CACNA1E: variants seen among roughly 807,000 people sequenced by gnomAD.
The protein encoded by CACNA1E is voltage-dependent R-type calcium channel subunit alpha-1E.
In CACNA1E, 40 loss-of-function variants were observed where a neutral mutation model predicts 259.2. The ratio of observed to expected loss-of-function variants is 0.15; its 90% CI spans 0.12 to 0.20. CACNA1E has a LOEUF of 0.20. CACNA1E is among the 10% of genes least tolerant of loss of function. The pLI is 1.00. For missense variants in CACNA1E, 1,874 were observed against 3,040.1 expected, an observed-to-expected ratio of 0.62 and a Z score of 9.02; for synonymous variants, 1,104 against 1,138.5, an observed-to-expected ratio of 0.97 and a Z score of 0.61.
chr1:181,806,966 C>T lies in CACNA1E; in HGVS notation c.*8132C>T, dbSNP rs1662670741. The T allele has an allele frequency of 6.6e-6, 1 of 152,018 alleles. No individual in the cohort carries two copies. The highest frequency in any genetic ancestry group is 2.4e-5 in the African/African-American group (1 of 41,382). 9.4% of individuals were successfully genotyped at this position (152,018 alleles called of 1,614,324 possible). ...CAGGAGGCTTTCAAAGTCCCAAGGA[C>T]ATCCTGGCTCTGAAAGGTTTTCTTT... On this transcript the variant is annotated 3_prime_UTR_variant, in exon 48 of 48. Coordinates refer to ENST00000367573, the MANE Select transcript of CACNA1E (RefSeq NM_001205293.3).
At chr1:181,430,272 A>T (rs995973492) in intron 2 of CACNA1E, among the ~76,000 whole-genome samples, 1 of 152,190 alleles carries the variant, frequency 6.6e-6, no homozygotes, top group Non-Finnish European at 1.5e-5. Context: ...GTGTGGACAA[A>T]GGGTGAGGTT....
rs150406553 is a variant in CACNA1E at position 181,415,037 on chromosome 1, G to A, written c.434+1457G>A. Among the ~76,000 whole-genome samples the A allele has an allele frequency of 6.6e-3, 1,003 of 152,326 alleles. 7 individuals carry two copies. Among genetic ancestry groups the A allele is most frequent in the Non-Finnish European group, 0.01 (684 of 68,026 alleles). On this transcript the variant is annotated intron_variant, in intron 2 of 11. Coordinates refer to the CACNA1E transcript ENST00000524607. Reference sequence around the variant, plus strand: ...CATCATGACTTCGAAAGACAAGTAGGAGGGAGTAGACTTCCTTTAAATACA... The same window carrying A: ...CATCATGACTTCGAAAGACAAGTAGAAGGGAGTAGACTTCCTTTAAATACA...
intron 2 of CACNA1E, 79 bp downstream of exon 2, chr1:181,510,661 T>C: frequency 1.1e-6 from 1 of 874,440 alleles, no homozygotes; most frequent in South Asian, 1.4e-5. Context: ...CACTCTCCCA[T>C]TCCCTTCCTG....
intron 7 of CACNA1E, among the ~76,000 whole-genome samples, chr1:181,677,724 A>G (rs1649521951): frequency 6.6e-6 from 1 of 152,184 alleles, no homozygotes; most frequent in Non-Finnish European, 1.5e-5. Flanking sequence ...TGTGGTTTCT[A>G]TCATGTAAGA....
At chr1:181,696,972 T>C (rs1651770589) in intron 7 of CACNA1E, among the ~76,000 whole-genome samples, 1 of 152,168 alleles carries the variant, frequency 6.6e-6, no homozygotes, top group African/African-American at 2.4e-5. Flanking sequence ...AATAAGAATG[T>C]GAATTTAATG....
intron 3 of CACNA1E, among the ~76,000 whole-genome samples, chr1:181,536,509 A>G (rs1668180748): frequency 2.0e-5 from 3 of 152,104 alleles, no homozygotes; most frequent in Admixed American, 1.3e-4. Flanking sequence ...CTTTTCTCTA[A>G]GCTGATAATT....
At chr1:181,682,856 A>G (rs1343212563) in intron 7 of CACNA1E, among the ~76,000 whole-genome samples, 2 of 152,220 alleles carry the variant, frequency 1.3e-5, no homozygotes, top group Non-Finnish European at 2.9e-5. Flanking sequence ...ATCATTCATG[A>G]GAAGTACCTC....
intron 27 of CACNA1E, 114 bp from the exon 28 acceptor site, chr1:181,755,123 C>T (rs1164719502): frequency 3.9e-6 from 3 of 762,410 alleles, no homozygotes; most frequent in Non-Finnish European, 6.2e-6. Context: ...AAATTCTCTC[C>T]TGGGACAACT....
chr1:181,626,262 T>G (rs1191433673), intron 6 of CACNA1E, among the ~76,000 whole-genome samples: 4 of 152,166 alleles, frequency 2.6e-5, no homozygotes, highest in Non-Finnish European at 5.9e-5. Flanking sequence ...ATCCATAGTC[T>G]TATTAGACTC....
intron 1 of CACNA1E, among the ~76,000 whole-genome samples, chr1:181,369,124 G>A (rs758702003): frequency 2.0e-5 from 3 of 152,184 alleles, no homozygotes; most frequent in Admixed American, 6.5e-5. Context: ...CAGGACATTC[G>A]TCACTTCATG....
At chr1:181,763,571 T>C (rs1395546860) in intron 34 of CACNA1E, 40 bp downstream of exon 34, 3 of 1,503,264 alleles carry the variant, frequency 2.0e-6, no homozygotes, top group Non-Finnish European at 2.7e-6. Flanking sequence ...GGTTGTCATA[T>C]CAGACAGTAC....
chr1:181,437,803 C>T (rs1660192268), intron 2 of CACNA1E, among the ~76,000 whole-genome samples: 1 of 152,098 alleles, frequency 6.6e-6, no homozygotes, highest in Non-Finnish European at 1.5e-5. Context: ...TCTGTCTATG[C>T]TCACTCCCAG....
At chr1:181,770,387 T>C (rs189788713) in intron 35 of CACNA1E, among the ~76,000 whole-genome samples, 9 of 152,310 alleles carry the variant, frequency 5.9e-5, no homozygotes, top group Admixed American at 5.9e-4. Flanking sequence ...GTGCTGTGTC[T>C]GGGAGTTCAT....
At position 181,440,634 on chromosome 1, in the gene CACNA1E, A is replaced by C. The variant is rs527425442; in HGVS notation, c.434+27054A>C. Among the ~76,000 whole-genome samples, 165 of 152,250 alleles carry C rather than the reference A, an allele frequency of 1.1e-3. 1 individual carries two copies. Among genetic ancestry groups the C allele is most frequent in the African/African-American group, 3.8e-3 (159 of 41,552 alleles). ...TGACCAGAATGACATCATGCTCTCA[A>C]CAGAGGATGCCCTGCCTGGGGCCAC... On this transcript the variant is annotated intron_variant, in intron 2 of 11. Transcript: ENST00000524607.
rs143139425 is a variant in CACNA1E at position 181,404,391 on chromosome 1, T to C, written c.-14-8742T>C. 1.0e-2 allele frequency among the ~76,000 whole-genome samples: 1,520 copies of C among 152,326 alleles called. 11 individuals are homozygous for C. The highest frequency in any genetic ancestry group is 0.014 in the Non-Finnish European group (983 of 68,028). On this transcript the variant is annotated intron_variant, in intron 1 of 11. Coordinates refer to the CACNA1E transcript ENST00000524607. ...CTGGAATTGCCAACATCGTGCTCAG[T>C]ATGCATTTATTGAGCTAAAAATCCT... is the stretch of plus-strand genomic sequence containing the variant.
chr1:181,643,643 T>C (rs1341863854), intron 6 of CACNA1E, among the ~76,000 whole-genome samples: 1 of 152,070 alleles, frequency 6.6e-6, no homozygotes, highest in Non-Finnish European at 1.5e-5. Flanking sequence ...TGCTTGTAGG[T>C]TGGGTGGAGG....
intron 44 of CACNA1E, 76 bp downstream of exon 44, chr1:181,790,632 T>A: frequency 4.3e-6 from 4 of 930,326 alleles, no homozygotes; most frequent in East Asian, 2.4e-5. Context: ...TATTACATAG[T>A]CATGGTCCGT....
chr1:181,334,597 G>T (rs1651548098), intron 1 of CACNA1E, among the ~76,000 whole-genome samples: 1 of 152,146 alleles, frequency 6.6e-6, no homozygotes, highest in African/African-American at 2.4e-5. Context: ...CATCATTCTT[G>T]ACACCTCTCT....
intron 6 of CACNA1E, among the ~76,000 whole-genome samples, chr1:181,582,763 T>G (rs1387258344): frequency 6.6e-6 from 1 of 152,208 alleles, no homozygotes; most frequent in Non-Finnish European, 1.5e-5. Flanking sequence ...ATTCCTGCTA[T>G]CATAGTGCTC....
Sources: gnomAD v4.1 joint callset for allele counts (sites outside exome capture counted in the v4.1 genomes callset) on GRCh38, gnomAD v4.1.1 for gene constraint, MANE v1.5 for transcripts, NCBI Gene and HGNC (gene_info 2026-07-23, HGNC 2026-07-21) for gene names.